Variants in MAML3 observed in about 807,000 individuals in gnomAD.
The protein encoded by MAML3 is mastermind-like protein 3.
A neutral mutation model predicts 101.9 loss-of-function variants in MAML3; 27 were observed. That is an observed-to-expected ratio of 0.27 (90% CI 0.20 to 0.37). The LOEUF (loss-of-function observed/expected upper bound fraction) is 0.37. Among genes scored for constraint, MAML3 ranks in the 10% least tolerant of loss-of-function variants. The pLI, the probability that MAML3 is intolerant of heterozygous loss-of-function variation, is 1.00. For missense variants in MAML3, 1,316 were observed against 1,444.9 expected (o/e 0.91, Z 1.45); for synonymous variants, 501 against 555.9 (o/e 0.90, Z 1.39).
Position 140,011,337 on chromosome 4 carries a change from G to GTTTTTT in MAML3, c.469-120371_469-120370insAAAAAA, listed in dbSNP as rs1394373852. Among the ~76,000 whole-genome samples the GTTTTTT allele has an allele frequency of 4.6e-4, 50 of 109,820 alleles. 5 individuals are homozygous for GTTTTTT. Among genetic ancestry groups the GTTTTTT allele is most frequent in the Non-Finnish European group, 5.4e-4 (28 of 51,492 alleles). 72.0% of individuals were successfully genotyped at this position (109,820 alleles called of 152,430 possible). On this transcript the variant is annotated intron_variant, in intron 1 of 4. Coordinates refer to ENST00000509479, the MANE Select transcript of MAML3 (RefSeq NM_018717.5). ...GATTGGTTTTACTCAAGGTTTTCTT[G>GTTTTTT]TTTTGTTTTTTTTTTTTTGAGACGG...
At chr4:139,930,281 T>C (rs565549924) in intron 1 of MAML3, among the ~76,000 whole-genome samples, 1 of 152,238 alleles carries the variant, frequency 6.6e-6, no homozygotes, top group Non-Finnish European at 1.5e-5. Context: ...CAACAGATGC[T>C]AAAAAATCTA....
At chr4:140,030,130 T>C (rs1170578393) in intron 1 of MAML3, among the ~76,000 whole-genome samples, 4 of 152,218 alleles carry the variant, frequency 2.6e-5, no homozygotes, top group African/African-American at 9.6e-5. Context: ...CTAATTATTT[T>C]CCACTCCTTC....
At chr4:139,786,851 C>T (rs1026950677) in intron 2 of MAML3, among the ~76,000 whole-genome samples, 2 of 152,156 alleles carry the variant, frequency 1.3e-5, no homozygotes, top group Non-Finnish European at 2.9e-5. Context: ...TGGAGAAAGA[C>T]AGCACGATAT....
At chr4:140,022,780 C>T (rs1332631118) in intron 1 of MAML3, among the ~76,000 whole-genome samples, 1 of 152,112 alleles carries the variant, frequency 6.6e-6, no homozygotes, top group Non-Finnish European at 1.5e-5. Context: ...CAATTTTTAC[C>T]TTTCCTTCCT....
At chr4:139,988,585 A>G (rs1205108919) in intron 1 of MAML3, among the ~76,000 whole-genome samples, 1 of 152,156 alleles carries the variant, frequency 6.6e-6, no homozygotes, top group Non-Finnish European at 1.5e-5. Context: ...ACTGCCATTT[A>G]CAGATCACTT....
chr4:140,056,395 T>A (rs1055645532), intron 1 of MAML3, among the ~76,000 whole-genome samples: 1 of 151,494 alleles, frequency 6.6e-6, no homozygotes, highest in African/African-American at 2.4e-5. Context: ...CTTGCTCTTG[T>A]CGCCCAGGCT....
intron 2 of MAML3, chr4:139,740,498 G>C (rs1055083108): frequency 6.6e-6 from 1 of 152,158 alleles, no homozygotes; most frequent in African/African-American, 2.4e-5. Flanking sequence ...AAAATAGGGA[G>C]GGGGAGCAGT....
chr4:139,791,829 C>T (rs770624768), intron 2 of MAML3, among the ~76,000 whole-genome samples: 8 of 152,186 alleles, frequency 5.3e-5, no homozygotes, highest in Non-Finnish European at 7.3e-5. Context: ...GTATCACATC[C>T]TTACCAACAT....
intron 2 of MAML3, among the ~76,000 whole-genome samples, chr4:139,831,736 G>A (rs1020433227): frequency 1.3e-5 from 2 of 151,888 alleles, no homozygotes; most frequent in African/African-American, 4.8e-5. Context: ...CAATTAAACC[G>A]AACATGATAT....
intron 1 of MAML3, among the ~76,000 whole-genome samples, chr4:140,144,926 T>A (rs1396738644): frequency 6.6e-6 from 1 of 152,144 alleles, no homozygotes; most frequent in Non-Finnish European, 1.5e-5. Context: ...GCCTTTTAGA[T>A]TCACTCTCAA....
chr4:139,720,960 G>C (rs1728209281), intron 4 of MAML3, among the ~76,000 whole-genome samples: 1 of 152,222 alleles, frequency 6.6e-6, no homozygotes, highest in Non-Finnish European at 1.5e-5. Context: ...TATTTTGACA[G>C]ATAGGACATT....
chr4:140,087,863 C>G (rs185007453), intron 1 of MAML3, among the ~76,000 whole-genome samples: 94 of 152,184 alleles, frequency 6.2e-4, no homozygotes, highest in African/African-American at 2.2e-3. Context: ...CAACTCTTTA[C>G]GATGAAAAAC....
At chr4:139,859,348 G>C (rs755637848) in intron 2 of MAML3, among the ~76,000 whole-genome samples, 5 of 150,346 alleles carry the variant, frequency 3.3e-5, no homozygotes, top group Non-Finnish European at 7.4e-5. Flanking sequence ...TGCCGGAGTA[G>C]CATAGGCCAC....
At chr4:140,148,739 T>C (rs1401739126) in intron 1 of MAML3, among the ~76,000 whole-genome samples, 2 of 152,242 alleles carry the variant, frequency 1.3e-5, no homozygotes, top group African/African-American at 4.8e-5. Flanking sequence ...TTCCTGAATC[T>C]ATTCCAGGAA....
intron 2 of MAML3, among the ~76,000 whole-genome samples, chr4:139,828,232 G>T (rs772754501): frequency 1.3e-5 from 2 of 152,224 alleles, no homozygotes; most frequent in African/African-American, 4.8e-5. Flanking sequence ...TGACATGGAT[G>T]CTCCACATGG....
At chr4:139,803,521 C>G (rs1425547354) in intron 2 of MAML3, among the ~76,000 whole-genome samples, 1 of 152,132 alleles carries the variant, frequency 6.6e-6, no homozygotes. Context: ...AGTTAATAAC[C>G]ATGTTTGCTA....
chr4:140,135,510 G>T (rs1244208518), intron 1 of MAML3, among the ~76,000 whole-genome samples: 2 of 152,240 alleles, frequency 1.3e-5, no homozygotes, highest in Non-Finnish European at 2.9e-5. Flanking sequence ...TTGAACAAAT[G>T]ATTTGATTAG....
intron 1 of MAML3, among the ~76,000 whole-genome samples, chr4:140,039,338 C>T (rs1355517027): frequency 6.6e-6 from 1 of 152,066 alleles, no homozygotes; most frequent in Non-Finnish European, 1.5e-5. Context: ...CTGGTACGGT[C>T]AATTGGGCAT....
intron 1 of MAML3, among the ~76,000 whole-genome samples, chr4:140,126,285 T>TAAGGAAG (rs1452294391): frequency 6.6e-6 from 1 of 151,540 alleles, no homozygotes; most frequent in African/African-American, 2.4e-5. Flanking sequence ...TCTTCCCTCA[T>TAAGGAAG]ACACATGCCG....
Sources: allele counts gnomAD v4.1 joint callset (sites outside exome capture counted in the v4.1 genomes callset), GRCh38; gene constraint gnomAD v4.1.1; transcripts MANE v1.5; gene names NCBI Gene and HGNC (gene_info 2026-07-23, HGNC 2026-07-21).